The following HRH1 variants were observed in gnomAD, a reference collection of about 807,000 sequenced individuals.
HRH1 encodes the protein histamine receptor H1, also known as histamine H1 receptor.
In HRH1, 6 loss-of-function variants were observed where a neutral mutation model predicts 10.3. The ratio of observed to expected loss-of-function variants is 0.58; its 90% CI spans 0.32 to 1.15. The LOEUF is 1.15. Among genes scored for constraint, HRH1 ranks in the 50% most tolerant of loss-of-function variants. The pLI, the probability that HRH1 is intolerant of heterozygous loss-of-function variation, is 0.05. For missense variants in HRH1, 514 were observed against 615.3 expected, an observed-to-expected ratio of 0.84 and a Z score of 1.74; for synonymous variants, 242 against 236.7, an observed-to-expected ratio of 1.02 and a Z score of -0.21.
chr3:11,159,841 A>G (rs1377584704), intron 1 of HRH1, among the ~76,000 whole-genome samples: 2 of 152,192 alleles, frequency 1.3e-5, no homozygotes, highest in African/African-American at 4.8e-5. Context: ...CGTGGAGGGT[A>G]GGGAGGAAAG....
upstream of HRH1, among the ~76,000 whole-genome samples, chr3:11,152,609 C>A (rs1409174165): frequency 1.4e-5 from 2 of 141,680 alleles, no homozygotes; most frequent in African/African-American, 5.2e-5. Context: ...CTTCCCCCAC[C>A]CGCCCTGCCC....
chr3:11,235,123 G>A (rs1575033106), intron 1 of HRH1, among the ~76,000 whole-genome samples: 1 of 151,610 alleles, frequency 6.6e-6, no homozygotes, highest in Non-Finnish European at 1.5e-5. Context: ...GCTGAGGCAG[G>A]AGAATAGCTT....
At chr3:11,206,380 A>G (rs1339839349) in intron 1 of HRH1, among the ~76,000 whole-genome samples, 1 of 152,204 alleles carries the variant, frequency 6.6e-6, no homozygotes, top group Non-Finnish European at 1.5e-5. Flanking sequence ...GGCCTTCCGA[A>G]GTGCTGGGAT....
At chr3:11,179,759 G>C (rs1169486509) in intron 1 of HRH1, among the ~76,000 whole-genome samples, 1 of 149,710 alleles carries the variant, frequency 6.7e-6, no homozygotes, top group Admixed American at 6.6e-5. Context: ...TATTGTGCGT[G>C]TGTGTGTGGC....
intron 1 of HRH1, among the ~76,000 whole-genome samples, chr3:11,239,126 C>T (rs541507589): frequency 2.0e-5 from 3 of 152,304 alleles, no homozygotes; most frequent in African/African-American, 7.2e-5. Context: ...ACATTTCCAC[C>T]AGCAGTGTTT....
intron 1 of HRH1, among the ~76,000 whole-genome samples, chr3:11,144,474 C>CGTATAGACATACGTCT (rs1559249802): frequency 1.3e-5 from 2 of 148,900 alleles, no homozygotes; most frequent in Admixed American, 6.7e-5. Flanking sequence ...TACATATAGA[C>CGTATAGACATACGTCT]ATATATATAC....
Position 11,259,177 on chromosome 3 carries a change from T to G in HRH1, c.140T>G (p.Leu47Arg), listed in dbSNP as rs199645631. ...ICLVTVGLNL[L>R]VLYAVRSERK... ...TTGGTCACAGTAGGGCTCAACCTGC[T>G]GGTGCTGTATGCCGTACGGAGTGAG... The change falls in exon 2 of 2, where the codon CTG becomes CGG. Residue 47 changes from leucine (L) to arginine (R), a missense_variant. Leu to Arg is a moderately radical substitution (Grantham distance 102). Coordinates refer to ENST00000431010, the MANE Select transcript of HRH1 (RefSeq NM_001098212.2). The surrounding 1 kb of genome is among the most constrained non-coding windows in gnomAD (Gnocchi z 4.6). The G allele has an allele frequency of 6.2e-7, 1 of 1,613,802 alleles. No individual in the cohort carries two copies.
intron 1 of HRH1, among the ~76,000 whole-genome samples, chr3:11,190,074 G>A (rs1937512888): frequency 6.6e-6 from 1 of 152,130 alleles, no homozygotes; most frequent in African/African-American, 2.4e-5. Flanking sequence ...GTGTGTTCTA[G>A]GGTGGCTTTG....
intron 1 of HRH1, among the ~76,000 whole-genome samples, chr3:11,189,243 C>T (rs182153035): frequency 7.2e-5 from 11 of 152,262 alleles, no homozygotes; most frequent in Non-Finnish European, 1.2e-4. Flanking sequence ...CCAGGAGACA[C>T]GCTCAGACTT....
At chr3:11,224,349 G>A (rs907045694) in intron 1 of HRH1, among the ~76,000 whole-genome samples, 2 of 152,192 alleles carry the variant, frequency 1.3e-5, no homozygotes, top group African/African-American at 4.8e-5. Context: ...CTAGCTAGGG[G>A]AGGAAGCATT....
intron 1 of HRH1, among the ~76,000 whole-genome samples, chr3:11,179,769 CTTT>C (rs777856916): frequency 7.6e-6 from 1 of 131,600 alleles, no homozygotes; most frequent in Non-Finnish European, 1.6e-5. Flanking sequence ...GTGTGTGTGG[CTTT>C]TTTTTTTTTT....
chr3:11,140,428 C>G (rs1467707170), intron 1 of HRH1, among the ~76,000 whole-genome samples: 1 of 152,172 alleles, frequency 6.6e-6, no homozygotes, highest in African/African-American at 2.4e-5. Context: ...ACCTAACACA[C>G]CAAGGCTCTT....
intron 1 of HRH1, among the ~76,000 whole-genome samples, chr3:11,210,080 G>T (rs1419564337): frequency 6.6e-6 from 1 of 152,144 alleles, no homozygotes; most frequent in East Asian, 1.9e-4. Flanking sequence ...TTTGTCATTG[G>T]TTTTTATATC....
At chr3:11,202,539 C>A (rs1937969159) in intron 1 of HRH1, among the ~76,000 whole-genome samples, 2 of 152,072 alleles carry the variant, frequency 1.3e-5, no homozygotes, top group African/African-American at 4.8e-5. Flanking sequence ...GTGGTATTGA[C>A]CTCCTGGCCC....
intron 1 of HRH1, among the ~76,000 whole-genome samples, chr3:11,205,117 C>T (rs1400301933): frequency 6.6e-6 from 1 of 152,202 alleles, no homozygotes; most frequent in Non-Finnish European, 1.5e-5. Context: ...CTCTCATCAG[C>T]GCGGCTGTTC....
intron 1 of HRH1, among the ~76,000 whole-genome samples, chr3:11,203,960 G>A (rs967051309): frequency 1.3e-5 from 2 of 152,106 alleles, no homozygotes; most frequent in African/African-American, 4.8e-5. Flanking sequence ...CAATATTGGG[G>A]GTTCCTATCC....
At chr3:11,155,202 T>A (rs923786618) in intron 1 of HRH1, among the ~76,000 whole-genome samples, 6 of 152,142 alleles carry the variant, frequency 3.9e-5, no homozygotes, top group African/African-American at 9.7e-5. Flanking sequence ...GCCCTTCCCC[T>A]GCAGTTCGGC....
intron 1 of HRH1, among the ~76,000 whole-genome samples, chr3:11,233,754 G>A (rs924825160): frequency 1.3e-5 from 2 of 152,160 alleles, no homozygotes; most frequent in Admixed American, 6.5e-5. Flanking sequence ...TCACATACTC[G>A]AGGTCAGGAT....
At chr3:11,254,528 G>A (rs968990601) in intron 1 of HRH1, among the ~76,000 whole-genome samples, 1 of 152,204 alleles carries the variant, frequency 6.6e-6, no homozygotes, top group African/African-American at 2.4e-5. Context: ...TATGCACAGA[G>A]TTACCTGGTC....
Sources: allele counts gnomAD v4.1 joint callset (sites outside exome capture counted in the v4.1 genomes callset), GRCh38; gene constraint gnomAD v4.1.1; non-coding constraint Gnocchi (gnomAD v3.1); transcripts MANE v1.5; gene names NCBI Gene and HGNC (gene_info 2026-07-23, HGNC 2026-07-21).